The following SEC31B variants were observed in gnomAD, a reference collection of about 807,000 sequenced individuals.
SEC31B encodes protein transport protein Sec31B.
Under a neutral mutation model 135.0 loss-of-function variants are expected in SEC31B, and 113 were observed. The ratio of observed to expected loss-of-function variants is 0.84; its 90% CI spans 0.72 to 0.98. SEC31B has a LOEUF of 0.98. Ranked by LOEUF, SEC31B falls within the 50% of genes least tolerant of loss-of-function variation. The probability of loss-of-function intolerance (pLI) is 0.00; values close to 1 mark genes in which losing one functional copy is unlikely to be tolerated. For missense variants in SEC31B, 1,296 were observed against 1,421.1 expected, an observed-to-expected ratio of 0.91 and a Z score of 1.42; for synonymous variants, 508 against 549.4, an observed-to-expected ratio of 0.92 and a Z score of 1.05.
At chr10:100,493,096 G>A (rs531104202) in intron 19 of SEC31B, among the ~76,000 whole-genome samples, 73 of 152,180 alleles carry the variant, frequency 4.8e-4, no homozygotes, top group African/African-American at 1.7e-3. Context: ...AACTGGGGCC[G>A]GGCGCGGTGG....
intron 3 of SEC31B, among the ~76,000 whole-genome samples, chr10:100,512,250 A>C (rs1188830418): frequency 1.3e-5 from 2 of 152,178 alleles, no homozygotes; most frequent in African/African-American, 2.4e-5. Flanking sequence ...TATGGGGGCC[A>C]CTCCAGAGAG....
rs1851686587 is a variant in SEC31B, at chr10:100,508,998, G to A, written c.495+9C>T. 6.2e-7 allele frequency: 1 copy of A among 1,608,676 alleles called. No homozygotes were observed. The highest frequency in any genetic ancestry group is 8.5e-7 in the Non-Finnish European group (1 of 1,175,054). On this transcript the variant is annotated intron_variant, in intron 5 of 25. Coordinates refer to ENST00000370345, the MANE Select transcript of SEC31B (RefSeq NM_015490.4). ...CACTCCAGGGTTGGGTAGTGGGGGT[G>A]CTGCTCACCTGTGACTTGGATCCCA...
chr10:100,508,702 T>C (rs1326770566), intron 5 of SEC31B: 1 of 454,778 alleles, frequency 2.2e-6, no homozygotes, highest in Non-Finnish European at 4.1e-6. Context: ...CTGCGAAAGC[T>C]CTACTGTGAT....
rs1851449951 is a variant in SEC31B, at chr10:100,498,204, A to G, written c.1688T>C (p.Ile563Thr). 6.2e-7 allele frequency: 1 copy of G among 1,613,974 alleles called. No homozygotes were observed. The highest frequency in any genetic ancestry group is 1.3e-5 in the African/African-American group (1 of 74,916). The change falls in exon 15 of 26, where the codon ATT becomes ACT. Residue 563 changes from isoleucine to threonine, a missense_variant. Coordinates refer to ENST00000370345, the MANE Select transcript of SEC31B (RefSeq NM_015490.4). ...GAGAGCCTGGCTTAGGAGTCCATCAATATCTGCAGGCAGAAGCATCCCCTG... is the reference window on the plus strand; with the variant it reads ...GAGAGCCTGGCTTAGGAGTCCATCAGTATCTGCAGGCAGAAGCATCCCCTG... ...TPWEIPITKD[I>T]DGLLSQALLL...
intron 20 of SEC31B, 54 bp from the exon 21 acceptor site, chr10:100,490,376 C>G: frequency 6.5e-7 from 1 of 1,537,508 alleles, no homozygotes; most frequent in East Asian, 2.4e-5. Context: ...TCAGGAGCAA[C>G]TCAGAGCATA....
At position 100,502,424 on chromosome 10, in the gene SEC31B, G is replaced by A. The variant is rs148906477; in HGVS notation, c.1240C>T (p.Pro414Ser). 3.0e-4 allele frequency: 490 copies of A among 1,614,154 alleles called. 2 individuals are homozygous for A. The African/African-American group carries it at 5.7e-3, about 19-fold the overall frequency. Residue 414 changes from proline (P) to serine (S), a missense_variant, in exon 11 of 26, where the codon CCT becomes TCT. Physicochemically the swap from Pro to Ser is moderately conservative, Grantham distance 74 (BLOSUM62 -1). Transcript: ENST00000370345. Reference protein sequence around the residue: ...PSTPAHLVPQPCPRLVFISQV... With the variant: ...PSTPAHLVPQSCPRLVFISQV... ...CTGATGAAGACTAGGCGGGGGCAAG[G>A]CTGTGGCACCAGATGGGCAGGGGTG...
intron 18 of SEC31B, among the ~76,000 whole-genome samples, chr10:100,496,030 A>C (rs1851401783): frequency 6.6e-6 from 1 of 152,168 alleles, no homozygotes; most frequent in Non-Finnish European, 1.5e-5. Context: ...CCAGGCAAAA[A>C]TCAGTCCCTT....
intron 1 of SEC31B, among the ~76,000 whole-genome samples, chr10:100,518,505 C>G (rs928447240): frequency 6.6e-6 from 1 of 152,228 alleles, no homozygotes; most frequent in Non-Finnish European, 1.5e-5. Flanking sequence ...TCCATGAGAG[C>G]TGACACTGTG....
intron 16 of SEC31B, 33 bp from the exon 17 acceptor site, chr10:100,497,313 A>G: frequency 6.2e-7 from 1 of 1,606,928 alleles, no homozygotes; most frequent in Admixed American, 1.7e-5. Context: ...TTAATGGCAC[A>G]GCTGCCCTGT....
chr10:100,497,537 G>A, intron 16 of SEC31B, 130 bp downstream of exon 16: 1 of 1,550,604 alleles, frequency 6.4e-7, no homozygotes. Context: ...GGCTGAGCCA[G>A]ATTCTAGCCC....
chr10:100,496,449 A>C lies in SEC31B; in HGVS notation c.2137-18T>G, dbSNP rs756131331. ...ATCAGGTCCTGTAAGGGCAAGGATG[A>C]GGGTGGTAAGCCTTCAATGAGGCAT... On this transcript the variant is annotated intron_variant, in intron 17 of 25. Coordinates refer to ENST00000370345, the MANE Select transcript of SEC31B (RefSeq NM_015490.4). 1.2e-6 allele frequency: 2 copies of C among 1,613,448 alleles called. No homozygotes were observed. Among genetic ancestry groups the C allele is most frequent in the East Asian group, 4.5e-5 (2 of 44,862 alleles).
intron 13 of SEC31B, 90 bp from the exon 14 acceptor site, chr10:100,498,894 G>T: frequency 1.0e-6 from 1 of 1,001,342 alleles, no homozygotes; most frequent in South Asian, 1.4e-5. Context: ...TCTACTATTT[G>T]GCCGTTAATG....
intron 11 of SEC31B, among the ~76,000 whole-genome samples, chr10:100,501,066 CA>C (rs35965884): frequency 0.23 from 30,106 of 132,924 alleles, 3,104 homozygotes; most frequent in South Asian, 0.25. Context: ...ACAAAAAATA[CA>C]AAAAAAAAAA....
At chr10:100,512,509 T>C (rs944877784) in intron 3 of SEC31B, among the ~76,000 whole-genome samples, 5 of 152,356 alleles carry the variant, frequency 3.3e-5, no homozygotes, top group Middle Eastern at 3.4e-3. Context: ...AGTCTATTTA[T>C]AGCTTGAGGC....
At chr10:100,488,416 G>A (rs995216606) in intron 24 of SEC31B, among the ~76,000 whole-genome samples, 18 of 144,356 alleles carry the variant, frequency 1.2e-4, no homozygotes, top group Admixed American at 4.3e-4. Flanking sequence ...CCGAGATCGC[G>A]CCACTGCACT....
chr10:100,509,310 T>C lies in SEC31B; in HGVS notation c.399+6A>G. 1.2e-6 allele frequency: 2 copies of C among 1,612,276 alleles called. No homozygotes were observed. Among genetic ancestry groups the C allele is most frequent in the African/African-American group, 1.3e-5 (1 of 74,962 alleles). On this transcript the variant is annotated splice_donor_region_variant and intron_variant, in intron 4 of 25. Transcript: ENST00000370345. ...TGGCCATGTTTGACTAACTGAAATG[T>C]AGTACCTGGAAAGGATTCAAGTCGA...
chr10:100,503,434 CTTTT>C (rs113897653), intron 10 of SEC31B, among the ~76,000 whole-genome samples: 1 of 142,404 alleles, frequency 7.0e-6, no homozygotes, highest in Non-Finnish European at 1.5e-5. Flanking sequence ...AGGCTGACAA[CTTTT>C]TTTTTTTTTT....
At chr10:100,511,528 A>G (rs1043356968) in intron 3 of SEC31B, among the ~76,000 whole-genome samples, 3 of 152,244 alleles carry the variant, frequency 2.0e-5, no homozygotes, top group African/African-American at 7.2e-5. Context: ...CCAGCTACTC[A>G]GGAGGCTGGG....
Position 100,489,811 on chromosome 10 carries a change from G to T in SEC31B, c.2966-50C>A, listed in dbSNP as rs764473366. 3.1e-6 allele frequency: 5 copies of T among 1,612,660 alleles called. No individual in the cohort carries two copies. The South Asian group carries it at 5.5e-5, about 18-fold the overall frequency. ...TTTCGGCGCATAGTGAAAAACACTG[G>T]AAGTTTTTTATCTGAAGGCTGGAAG... On this transcript the variant is annotated intron_variant, in intron 21 of 25. Coordinates refer to ENST00000370345, the MANE Select transcript of SEC31B (RefSeq NM_015490.4).
Sources: allele counts gnomAD v4.1 joint callset (sites outside exome capture counted in the v4.1 genomes callset), GRCh38; gene constraint gnomAD v4.1.1; transcripts MANE v1.5; gene names NCBI Gene and HGNC (gene_info 2026-07-23, HGNC 2026-07-21).